The following BCAS3 variants were observed in gnomAD, a reference collection of about 807,000 sequenced individuals.
The protein encoded by BCAS3 is BCAS3 microtubule associated cell migration factor.
A neutral mutation model predicts 116.1 loss-of-function variants in BCAS3; 53 were observed. The ratio of observed to expected loss-of-function variants is 0.46; its 90% confidence interval spans 0.37 to 0.57. The LOEUF (loss-of-function observed/expected upper bound fraction) is 0.57, where lower values mean the gene tolerates loss of function less well. Among genes scored for constraint, BCAS3 ranks in the 20% least tolerant of loss-of-function variants. The probability of loss-of-function intolerance (pLI) is 0.00; values close to 1 mark genes in which losing one functional copy is unlikely to be tolerated. For missense variants in BCAS3, 917 were observed against 1,165.4 expected (o/e 0.79, Z 3.10); for synonymous variants, 391 against 408.2 (o/e 0.96, Z 0.51).
chr17:60,879,460 G>T (rs950202445), intron 9 of BCAS3, among the ~76,000 whole-genome samples: 1 of 152,136 alleles, frequency 6.6e-6, no homozygotes, highest in Admixed American at 6.5e-5. Context: ...TTAATGGAAC[G>T]CATCCAATAT....
chr17:60,854,456 T>A (rs1312301538), intron 7 of BCAS3, among the ~76,000 whole-genome samples: 3 of 152,150 alleles, frequency 2.0e-5, no homozygotes, highest in East Asian at 1.9e-4. Flanking sequence ...TAGTTCTAGA[T>A]CCTTGAGGAA....
rs2080660584 is a variant in BCAS3 at position 61,198,974 on chromosome 17, A to C, written c.2425+114410A>C. ...CTTTAATATATGTTTACAAGCTCCA[A>C]AACTTTTAATATATCTTACCATACT... On this transcript the variant is annotated intron_variant, in intron 22 of 23. Transcript: ENST00000407086. This position sits in a 1 kb window ranked among gnomAD's most constrained non-coding sequence, Gnocchi z 5.0. 6.6e-6 allele frequency among the ~76,000 whole-genome samples: 1 copy of C among 152,336 alleles called. No homozygotes were observed. The highest frequency in any genetic ancestry group is 1.9e-4 in the East Asian group (1 of 5,190).
chr17:61,193,687 G>A (rs527640278), intron 22 of BCAS3, among the ~76,000 whole-genome samples: 22 of 150,410 alleles, frequency 1.5e-4, no homozygotes, highest in Non-Finnish European at 2.8e-4. Flanking sequence ...AACCCGGGAG[G>A]TGGAGGTTGC....
intron 21 of BCAS3, among the ~76,000 whole-genome samples, chr17:61,080,039 G>T (rs2072430353): frequency 6.6e-6 from 1 of 151,626 alleles, no homozygotes; most frequent in Non-Finnish European, 1.5e-5. Context: ...TGAGTAGCTA[G>T]TATTACAGGT....
chr17:60,814,313 G>A (rs915142814), intron 7 of BCAS3, among the ~76,000 whole-genome samples: 11 of 149,972 alleles, frequency 7.3e-5, no homozygotes, highest in Non-Finnish European at 1.0e-4. Context: ...GTGTGCGCGC[G>A]TGCCCATTGC....
At chr17:61,373,263 A>G (rs1288654365) in intron 23 of BCAS3, among the ~76,000 whole-genome samples, 1 of 151,388 alleles carries the variant, frequency 6.6e-6, no homozygotes, top group Non-Finnish European at 1.5e-5. Flanking sequence ...TAATTTTTGT[A>G]TTTTTTAGTA....
intron 22 of BCAS3, among the ~76,000 whole-genome samples, chr17:61,110,564 A>G (rs1472903510): frequency 6.6e-6 from 1 of 152,242 alleles, no homozygotes; most frequent in Non-Finnish European, 1.5e-5. Flanking sequence ...CCACGAGATT[A>G]TATCCCGCAC....
At chr17:61,179,107 A>G (rs2079320259) in intron 22 of BCAS3, among the ~76,000 whole-genome samples, 2 of 152,078 alleles carry the variant, frequency 1.3e-5, no homozygotes, top group Admixed American at 6.5e-5. Context: ...AAAATACTCA[A>G]TCCTTAGAAA....
At chr17:60,722,574 A>G (rs1246257786) in intron 5 of BCAS3, among the ~76,000 whole-genome samples, 1 of 151,998 alleles carries the variant, frequency 6.6e-6, no homozygotes, top group Non-Finnish European at 1.5e-5. Flanking sequence ...CATCCTGGCC[A>G]ACATGGTGAA....
chr17:60,829,467 G>A (rs9903705), intron 7 of BCAS3, among the ~76,000 whole-genome samples: 30 of 150,402 alleles, frequency 2.0e-4, no homozygotes, highest in Non-Finnish European at 4.4e-5. Context: ...GCACTCCAGC[G>A]TGGACAATAG....
chr17:61,128,036 A>G lies in BCAS3; in HGVS notation c.2425+43472A>G. The G allele has an allele frequency of 4.1e-6, 1 of 246,604 alleles. No individual in the cohort carries two copies. Among genetic ancestry groups the G allele is most frequent in the Non-Finnish European group, 6.5e-6 (1 of 154,744 alleles). The allele number at this position is 246,604 out of a possible 1,614,324, so 15.3% of individuals were successfully genotyped here. On this transcript the variant is annotated intron_variant, in intron 22 of 23. Coordinates refer to ENST00000407086, the MANE Select transcript of BCAS3 (RefSeq NM_017679.5). This position sits in a 1 kb window ranked among gnomAD's most constrained non-coding sequence, Gnocchi z 4.1. ...GGGAAGACATTCAGCAAAGAACACCACAATTCCCATTGAGCTCAGAAAATG... is the reference window on the plus strand; with the variant it reads ...GGGAAGACATTCAGCAAAGAACACCGCAATTCCCATTGAGCTCAGAAAATG...
At chr17:60,824,795 C>G (rs995840941) in intron 7 of BCAS3, among the ~76,000 whole-genome samples, 9 of 152,054 alleles carry the variant, frequency 5.9e-5, no homozygotes, top group Non-Finnish European at 8.8e-5. Context: ...CATTTGTTTC[C>G]CTTGCCGATG....
chr17:61,011,768 C>T (rs2065126595), intron 15 of BCAS3, among the ~76,000 whole-genome samples: 1 of 151,978 alleles, frequency 6.6e-6, no homozygotes, highest in Non-Finnish European at 1.5e-5. Flanking sequence ...AAATCCAAGA[C>T]AGTGTAAATA....
At chr17:61,119,024 T>C (rs1016899488) in intron 22 of BCAS3, among the ~76,000 whole-genome samples, 11 of 152,328 alleles carry the variant, frequency 7.2e-5, no homozygotes, top group African/African-American at 2.4e-4. Flanking sequence ...TGGGAGTCTC[T>C]AGACACAACA....
intron 15 of BCAS3, among the ~76,000 whole-genome samples, chr17:61,005,691 G>C (rs2064626701): frequency 6.6e-6 from 1 of 151,380 alleles, no homozygotes; most frequent in East Asian, 1.9e-4. Flanking sequence ...GGAGAAGAGA[G>C]TCTTTGCTCT....
intron 11 of BCAS3, among the ~76,000 whole-genome samples, chr17:60,909,449 T>C (rs2058371413): frequency 6.6e-6 from 1 of 152,132 alleles, no homozygotes; most frequent in Non-Finnish European, 1.5e-5. Flanking sequence ...AGTCACCTCA[T>C]TGAAGATTAA....
intron 6 of BCAS3, among the ~76,000 whole-genome samples, chr17:60,761,369 C>T (rs375725182): frequency 2.6e-4 from 40 of 152,170 alleles, no homozygotes; most frequent in African/African-American, 7.2e-4. Flanking sequence ...CCCATGCCCC[C>T]ACTCCACGAC....
At chr17:60,889,062 GA>G (rs751293731) in intron 9 of BCAS3, among the ~76,000 whole-genome samples, 1 of 152,194 alleles carries the variant, frequency 6.6e-6, no homozygotes, top group Non-Finnish European at 1.5e-5. Flanking sequence ...GAGGAAGATA[GA>G]AAATAAACAG....
At chr17:61,308,595 G>A (rs904041663) in intron 22 of BCAS3, among the ~76,000 whole-genome samples, 1 of 152,056 alleles carries the variant, frequency 6.6e-6, no homozygotes. Flanking sequence ...ATGGTAAAGT[G>A]CCTTGAAACG....
Sources: allele counts gnomAD v4.1 joint callset (sites outside exome capture counted in the v4.1 genomes callset), GRCh38; gene constraint gnomAD v4.1.1; non-coding constraint Gnocchi (gnomAD v3.1); transcripts MANE v1.5; gene names NCBI Gene and HGNC (gene_info 2026-07-23, HGNC 2026-07-21).